The following NAALADL2 variants were observed in gnomAD, a reference collection of about 807,000 sequenced individuals.
NAALADL2 encodes the protein inactive N-acetylated-alpha-linked acidic dipeptidase-like protein 2.
A neutral mutation model predicts 87.2 loss-of-function variants in NAALADL2; 76 were observed. The observed-to-expected ratio is 0.87, with a 90% CI of 0.72 to 1.05. The LOEUF is 1.05. Ranked by LOEUF, NAALADL2 falls within the 50% of genes least tolerant of loss-of-function variation. The probability of loss-of-function intolerance (pLI) is 0.00; values close to 1 mark genes in which losing one functional copy is unlikely to be tolerated. For missense variants in NAALADL2, 1,089 were observed against 945.8 expected, an observed-to-expected ratio of 1.15 and a Z score of -1.99; for synonymous variants, 354 against 331.0, an observed-to-expected ratio of 1.07 and a Z score of -0.75.
intron 2 of NAALADL2, among the ~76,000 whole-genome samples, chr3:175,157,748 T>C (rs1732537796): frequency 6.6e-6 from 1 of 152,068 alleles, no homozygotes; most frequent in Non-Finnish European, 1.5e-5. Flanking sequence ...CATGTTTAAC[T>C]AGAAAGTTAT....
intron 2 of NAALADL2, among the ~76,000 whole-genome samples, chr3:174,734,596 T>C (rs530782408): frequency 6.6e-6 from 1 of 152,098 alleles, no homozygotes; most frequent in Admixed American, 6.6e-5. Context: ...CATACGAATT[T>C]TGGGAAAACA....
chr3:175,200,976 A>G (rs1739932188), intron 2 of NAALADL2, among the ~76,000 whole-genome samples: 1 of 152,152 alleles, frequency 6.6e-6, no homozygotes, highest in Non-Finnish European at 1.5e-5. Context: ...TCTCCATGTT[A>G]AAACAGCACA....
At chr3:175,611,245 A>T (rs1256942428) in intron 10 of NAALADL2, among the ~76,000 whole-genome samples, 2 of 152,134 alleles carry the variant, frequency 1.3e-5, no homozygotes, top group Admixed American at 1.3e-4. Flanking sequence ...AAGGCAAATA[A>T]TAATTTCAAG....
intron 9 of NAALADL2, among the ~76,000 whole-genome samples, chr3:175,552,169 CTAAG>C (rs10576808): frequency 0.64 from 96,166 of 151,382 alleles, 31,872 homozygotes; most frequent in East Asian, 0.86. Flanking sequence ...AACCAAATGT[CTAAG>C]TAAGCATCAA....
chr3:175,025,835 G>T (rs532057695), intron 1 of NAALADL2, among the ~76,000 whole-genome samples: 5 of 151,994 alleles, frequency 3.3e-5, no homozygotes, highest in East Asian at 1.9e-4. Context: ...TTTGAGAAAG[G>T]GTCTCACTTT....
intron 5 of NAALADL2, among the ~76,000 whole-genome samples, chr3:175,328,214 C>G (rs1032691445): frequency 2.7e-5 from 4 of 150,866 alleles, no homozygotes; most frequent in African/African-American, 9.9e-5. Flanking sequence ...TCCATCATAC[C>G]ACATACACAC....
chr3:174,479,731 T>C (rs1455282709), intron 1 of NAALADL2, among the ~76,000 whole-genome samples: 1 of 151,398 alleles, frequency 6.6e-6, no homozygotes, highest in African/African-American at 2.4e-5. Flanking sequence ...TTAAACAGTT[T>C]TTCCATTAAC....
intron 3 of NAALADL2, among the ~76,000 whole-genome samples, chr3:174,812,111 T>C (rs1720280952): frequency 6.6e-6 from 1 of 152,138 alleles, no homozygotes; most frequent in Non-Finnish European, 1.5e-5. Flanking sequence ...AGCCAATTAA[T>C]CATCTTTTCT....
chr3:174,471,758 C>T (rs1716922377), intron 1 of NAALADL2, among the ~76,000 whole-genome samples: 1 of 151,950 alleles, frequency 6.6e-6, no homozygotes, highest in Non-Finnish European at 1.5e-5. Flanking sequence ...TATTTTTTCT[C>T]ATAACATTAT....
At position 175,001,499 on chromosome 3, in the gene NAALADL2, G is replaced by A. The variant is rs114746286; in HGVS notation, c.44-95291G>A. The stretch of plus-strand genomic sequence containing the variant: ...GGCATATTTTTCTTGGTTTAAATAG[G>A]CTTTCCTAATATGAAGGTAAAGCTG... On this transcript the variant is annotated intron_variant, in intron 1 of 13. Coordinates refer to ENST00000454872, the MANE Select transcript of NAALADL2 (RefSeq NM_207015.3). 9.4e-3 allele frequency among the ~76,000 whole-genome samples: 1,429 copies of A among 152,176 alleles called. 14 individuals carry two copies. Among genetic ancestry groups the A allele is most frequent in the African/African-American group, 0.032 (1,328 of 41,514 alleles).
At chr3:175,124,076 A>C (rs192637489) in intron 2 of NAALADL2, among the ~76,000 whole-genome samples, 1 of 151,928 alleles carries the variant, frequency 6.6e-6, no homozygotes, top group Non-Finnish European at 1.5e-5. Flanking sequence ...GTTTGTGTCT[A>C]TGTGGTTAAG....
At chr3:174,694,951 T>C (rs1175743379) in intron 2 of NAALADL2, among the ~76,000 whole-genome samples, 1 of 152,024 alleles carries the variant, frequency 6.6e-6, no homozygotes, top group East Asian at 1.9e-4. Context: ...TCTAAAGTTT[T>C]AAAACCACCA....
At chr3:174,495,524 C>T (rs918788620) in intron 1 of NAALADL2, among the ~76,000 whole-genome samples, 16 of 152,176 alleles carry the variant, frequency 1.1e-4, no homozygotes, top group African/African-American at 3.9e-4. Flanking sequence ...TTTGGTTTCT[C>T]ACATACCACA....
intron 1 of NAALADL2, among the ~76,000 whole-genome samples, chr3:174,489,887 C>A (rs1442047981): frequency 7.9e-5 from 12 of 151,106 alleles, no homozygotes; most frequent in Admixed American, 7.2e-4. Context: ...TTATAAGTAA[C>A]CCTTATATGC....
chr3:175,685,474 G>GTGTGTA (rs555221271), intron 11 of NAALADL2, among the ~76,000 whole-genome samples: 236 of 151,836 alleles, frequency 1.6e-3, no homozygotes, highest in Middle Eastern at 0.01. Flanking sequence ...GTGTGTGTGT[G>GTGTGTA]TGTGTGTGTG....
At chr3:174,483,456 C>T (rs1717683073) in intron 1 of NAALADL2, among the ~76,000 whole-genome samples, 2 of 151,960 alleles carry the variant, frequency 1.3e-5, no homozygotes, top group African/African-American at 4.8e-5. Context: ...GATTCAGTTA[C>T]CTCCATCTGT....
At chr3:175,772,971 T>C (rs1306119958) in intron 13 of NAALADL2, among the ~76,000 whole-genome samples, 1 of 152,078 alleles carries the variant, frequency 6.6e-6, no homozygotes, top group Non-Finnish European at 1.5e-5. Flanking sequence ...TACAGAGAAA[T>C]CGAGGAGTAA....
intron 2 of NAALADL2, among the ~76,000 whole-genome samples, chr3:174,648,381 A>G (rs1578421095): frequency 1.3e-5 from 2 of 151,956 alleles, no homozygotes; most frequent in East Asian, 3.9e-4. Context: ...ATGTATGCAT[A>G]GGAGAAAACT....
chr3:174,822,661 A>G (rs999256001), intron 3 of NAALADL2, among the ~76,000 whole-genome samples: 1 of 152,134 alleles, frequency 6.6e-6, no homozygotes, highest in African/African-American at 2.4e-5. Flanking sequence ...TAGATATATC[A>G]CCTATGCTAT....
Sources: gnomAD v4.1 joint callset for allele counts (sites outside exome capture counted in the v4.1 genomes callset) on GRCh38, gnomAD v4.1.1 for gene constraint, MANE v1.5 for transcripts, NCBI Gene and HGNC (gene_info 2026-07-23, HGNC 2026-07-21) for gene names.